The following FKBP5 variants were observed in gnomAD, a reference collection of about 807,000 sequenced individuals.
FKBP5 encodes the protein peptidyl-prolyl cis-trans isomerase FKBP5.
A neutral mutation model predicts 50.5 loss-of-function variants in FKBP5; 23 were observed. The observed-to-expected ratio is 0.46, with a 90% CI of 0.33 to 0.65. FKBP5 has a LOEUF of 0.65. FKBP5 is among the 30% of genes least tolerant of loss of function. FKBP5 has a pLI of 0.02. For synonymous variants in FKBP5, 176 were observed against 190.6 expected (o/e 0.92, Z 0.63); for missense variants, 411 against 553.1 (o/e 0.74, Z 2.58).
intron 2 of FKBP5, among the ~76,000 whole-genome samples, chr6:35,640,704 T>C (rs926429349): frequency 2.6e-5 from 4 of 152,020 alleles, no homozygotes; most frequent in African/African-American, 7.3e-5. Context: ...AAATATTTTC[T>C]TTCTTTATAT....
At chr6:35,582,374 G>A in intron 8 of FKBP5, 1 of 829,128 alleles carries the variant, frequency 1.2e-6, no homozygotes, top group Non-Finnish European at 1.5e-6. Flanking sequence ...TTTGCAGATG[G>A]AGCATTTGGG....
chr6:35,709,972 A>G (rs1234153588), intron 2 of FKBP5, among the ~76,000 whole-genome samples: 1 of 152,164 alleles, frequency 6.6e-6, no homozygotes, highest in Non-Finnish European at 1.5e-5. Context: ...GAATTCCATT[A>G]GAGAGGGTAG....
rs111511988 is a variant in FKBP5, at chr6:35,642,539, C to T, written c.105+181G>A. On this transcript the variant is annotated intron_variant, in intron 2 of 10. Transcript: ENST00000357266. ...CTCAAGACCAGCCTGGGCAACATAACGAGACTCAACTCTTAAAAAAAACCT... is the reference window on the plus strand; with the variant it reads ...CTCAAGACCAGCCTGGGCAACATAATGAGACTCAACTCTTAAAAAAAACCT... Among the ~76,000 whole-genome samples the T allele has an allele frequency of 5.5e-3, 844 of 152,180 alleles. 11 individuals carry two copies. The highest frequency in any genetic ancestry group is 0.019 in the African/African-American group (770 of 41,518).
intron 1 of FKBP5, among the ~76,000 whole-genome samples, chr6:35,684,863 C>G (rs929332572): frequency 6.6e-6 from 1 of 152,028 alleles, no homozygotes; most frequent in Non-Finnish European, 1.5e-5. Flanking sequence ...CTTATCTCTA[C>G]TAAAAATTAA....
chr6:35,669,803 G>C (rs1163900521), intron 1 of FKBP5, among the ~76,000 whole-genome samples: 1 of 152,100 alleles, frequency 6.6e-6, no homozygotes, highest in African/African-American at 2.4e-5. Context: ...CTCAGAAAAA[G>C]TTTCTCTCTT....
At chr6:35,584,351 C>T in intron 8 of FKBP5, 1 of 985,444 alleles carries the variant, frequency 1.0e-6, no homozygotes, top group Non-Finnish European at 1.2e-6. Flanking sequence ...AGGCTTTACC[C>T]ATTTAGGTAT....
In FKBP5 at chr6:35,666,390, T is replaced by C. The variant is rs563055781; in HGVS notation, c.-20+22414A>G. Among the ~76,000 whole-genome samples the C allele has an allele frequency of 1.1e-3, 18 of 17,028 alleles. No homozygotes were observed. In the East Asian group the frequency reaches 0.031, roughly 30 times the overall value. The allele number at this position is 17,028 out of a possible 152,430, so 11.2% of individuals were successfully genotyped here. On this transcript the variant is annotated intron_variant, in intron 1 of 10. Coordinates refer to ENST00000357266, the MANE Select transcript of FKBP5 (RefSeq NM_004117.4). ...AATACATGCAGAAACACTACTATTA[T>C]AGTTAAAAAAAAAAAAAAAAAAAAA...
intron 7 of FKBP5, among the ~76,000 whole-genome samples, chr6:35,588,767 ATTTTTTTT>A (rs758119749): frequency 7.4e-6 from 1 of 135,712 alleles, no homozygotes. Context: ...TGTCCAGCTA[ATTTTTTTT>A]TTTTTTTTTT....
chr6:35,576,628 G>A (rs564450224), intron 10 of FKBP5, among the ~76,000 whole-genome samples: 15 of 145,524 alleles, frequency 1.0e-4, no homozygotes, highest in Non-Finnish European at 2.0e-4. Context: ...ATGTTAGCAC[G>A]ACTGCATTAC....
chr6:35,717,069 C>G (rs903921810), intron 2 of FKBP5, among the ~76,000 whole-genome samples: 1 of 152,192 alleles, frequency 6.6e-6, no homozygotes, highest in Non-Finnish European at 1.5e-5. Context: ...CCCCACCCCC[C>G]GCCATCCCTA....
At chr6:35,667,455 T>A (rs1021171284) in intron 1 of FKBP5, among the ~76,000 whole-genome samples, 1 of 152,192 alleles carries the variant, frequency 6.6e-6, no homozygotes, top group African/African-American at 2.4e-5. Flanking sequence ...ATTAATAGAA[T>A]CATTATATCA....
chr6:35,728,264 G>A (rs1269202651), intron 1 of FKBP5, among the ~76,000 whole-genome samples: 2 of 152,196 alleles, frequency 1.3e-5, no homozygotes, highest in Non-Finnish European at 2.9e-5. Context: ...CAGCTCCCTG[G>A]AACGGGAGGG....
chr6:35,608,679 C>T (rs1763403895), intron 5 of FKBP5, among the ~76,000 whole-genome samples: 1 of 152,076 alleles, frequency 6.6e-6, no homozygotes, highest in South Asian at 2.1e-4. Flanking sequence ...AGAGCAAGAC[C>T]TCATCTCCAA....
chr6:35,689,975 T>G (rs2151015367), upstream of FKBP5, among the ~76,000 whole-genome samples: 1 of 152,236 alleles, frequency 6.6e-6, no homozygotes, highest in African/African-American at 2.4e-5. Flanking sequence ...TAATCAACTC[T>G]CTCATTTTTA....
intron 1 of FKBP5, among the ~76,000 whole-genome samples, chr6:35,673,593 T>C (rs1207659179): frequency 6.6e-6 from 1 of 152,076 alleles, no homozygotes; most frequent in Non-Finnish European, 1.5e-5. Flanking sequence ...GAGAATACTA[T>C]TTATGTTTAT....
intron 2 of FKBP5, among the ~76,000 whole-genome samples, chr6:35,698,735 T>C (rs1175273698): frequency 6.6e-6 from 1 of 152,222 alleles, no homozygotes; most frequent in Admixed American, 6.5e-5. Context: ...TTTCTGCTTC[T>C]GCTTCTAATC....
chr6:35,697,547 C>CAA (rs369940228), intron 2 of FKBP5, among the ~76,000 whole-genome samples: 59,836 of 123,820 alleles, frequency 0.48, 14,603 homozygotes, highest in African/African-American at 0.57. Context: ...AACTCTGTCT[C>CAA]AAAAAAAAAA....
intron 3 of FKBP5, among the ~76,000 whole-genome samples, chr6:35,632,965 T>C (rs1764203940): frequency 6.6e-6 from 1 of 151,872 alleles, no homozygotes; most frequent in African/African-American, 2.4e-5. Context: ...GCAAAAGACA[T>C]ATACAAAGCA....
chr6:35,723,704 T>C (rs563004029), intron 1 of FKBP5, among the ~76,000 whole-genome samples: 5 of 152,316 alleles, frequency 3.3e-5, no homozygotes, highest in African/African-American at 1.2e-4. Context: ...ATTGGACAGA[T>C]TGCCAGAGAC....
Sources: allele counts gnomAD v4.1 joint callset (sites outside exome capture counted in the v4.1 genomes callset), GRCh38; gene constraint gnomAD v4.1.1; transcripts MANE v1.5; gene names NCBI Gene and HGNC (gene_info 2026-07-23, HGNC 2026-07-21).